The following PAPPA variants were observed in gnomAD, a reference collection of about 807,000 sequenced individuals.
The protein encoded by PAPPA is pappalysin-1.
In PAPPA, 60 loss-of-function variants were observed where a neutral mutation model predicts 164.0. The ratio of observed to expected loss-of-function variants is 0.37; its 90% CI spans 0.30 to 0.45. The LOEUF (loss-of-function observed/expected upper bound fraction) is 0.45. PAPPA is among the 20% of genes least tolerant of loss of function. The pLI is 1.00. For missense variants in PAPPA, 1,782 were observed against 2,087.3 expected, an observed-to-expected ratio of 0.85 and a Z score of 2.85; for synonymous variants, 875 against 814.1, an observed-to-expected ratio of 1.07 and a Z score of -1.27.
chr9:116,305,339 A>G (rs973940539), intron 10 of PAPPA, among the ~76,000 whole-genome samples: 2 of 152,148 alleles, frequency 1.3e-5, no homozygotes, highest in African/African-American at 4.8e-5. Flanking sequence ...CTTCCAGTGA[A>G]GATGTTGATA....
intron 9 of PAPPA, 98 bp from the exon 10 acceptor site, chr9:116,302,659 A>T (rs989904945): frequency 1.1e-6 from 1 of 912,462 alleles, no homozygotes; most frequent in South Asian, 1.6e-5. Flanking sequence ...GACAGTACCA[A>T]TGGTTTTGGT....
intron 3 of PAPPA, 34 bp from the exon 4 acceptor site, chr9:116,211,605 T>C (rs1844307862): frequency 1.9e-6 from 3 of 1,597,288 alleles, no homozygotes; most frequent in Non-Finnish European, 2.6e-6. Context: ...GCAGAGTACC[T>C]AGTTTGCCTG....
chr9:116,220,310 T>C (rs901281407), intron 5 of PAPPA, among the ~76,000 whole-genome samples, 181 bp downstream of exon 5: 8 of 152,102 alleles, frequency 5.3e-5, no homozygotes, highest in African/African-American at 1.9e-4. Context: ...TGGTCATTAA[T>C]AGAAACAAAT....
intron 8 of PAPPA, among the ~76,000 whole-genome samples, chr9:116,266,689 G>A (rs1300303991): frequency 6.6e-6 from 1 of 152,024 alleles, no homozygotes; most frequent in African/African-American, 2.4e-5. Flanking sequence ...CAGGGGTGAG[G>A]AGCCACCAAG....
At chr9:116,305,083 C>G (rs1845627422) in intron 10 of PAPPA, among the ~76,000 whole-genome samples, 1 of 145,190 alleles carries the variant, frequency 6.9e-6, no homozygotes, top group African/African-American at 2.6e-5. Flanking sequence ...ACCCTACCAC[C>G]ACCACACACA....
At chr9:116,294,285 T>C (rs887718728) in intron 9 of PAPPA, among the ~76,000 whole-genome samples, 2 of 152,128 alleles carry the variant, frequency 1.3e-5, no homozygotes, top group African/African-American at 4.8e-5. Flanking sequence ...TGGCCAACCT[T>C]TGAAGGAACT....
At chr9:116,251,236 A>C (rs1314323121) in intron 7 of PAPPA, among the ~76,000 whole-genome samples, 1 of 152,164 alleles carries the variant, frequency 6.6e-6, no homozygotes, top group African/African-American at 2.4e-5. Flanking sequence ...TCAGAAACAT[A>C]AGGATTACAT....
rs1425326062 is a variant in PAPPA, at chr9:116,154,356, C to T, written c.184C>T (p.Pro62Ser). ...ARGRRASPPP[P>S]PPPGGAWEAV... is the part of the protein sequence containing the mutation. Reference sequence around the variant, plus strand: ...CGGCCGCCGCGCCTCGCCGCCGCCGCCGCCGCCGCCGGGCGGTGCCTGGGA... The same window carrying T: ...CGGCCGCCGCGCCTCGCCGCCGCCGTCGCCGCCGCCGGGCGGTGCCTGGGA... Residue 62 changes from proline (P) to serine (S), a missense_variant, in exon 1 of 22, where the codon CCG (proline) becomes TCG (serine). Physicochemically the swap from Pro to Ser is moderately conservative, Grantham distance 74 (BLOSUM62 -1). Transcript: ENST00000328252. The surrounding 1 kb of genome is among the most constrained non-coding windows in gnomAD (Gnocchi z 5.2). 2.8e-5 allele frequency: 24 copies of T among 863,782 alleles called. No homozygotes were observed. Among genetic ancestry groups the T allele is most frequent in the Non-Finnish European group, 3.4e-5 (24 of 710,728 alleles). 53.5% of individuals were successfully genotyped at this position (863,782 alleles called of 1,614,324 possible). A position where few individuals can be genotyped will look rare whatever the true frequency, so the allele number is the denominator to read the frequency against.
chr9:116,197,723 C>T (rs1396742354), intron 2 of PAPPA, among the ~76,000 whole-genome samples: 1 of 152,184 alleles, frequency 6.6e-6, no homozygotes, highest in Admixed American at 6.5e-5. Context: ...CAAGGTCATC[C>T]AGAGGGACCT....
At chr9:116,285,953 A>G (rs1845333525) in intron 9 of PAPPA, 1 of 152,196 alleles carries the variant, frequency 6.6e-6, no homozygotes. Flanking sequence ...CGGGCAGGTT[A>G]TCTTGGGTCA....
In PAPPA at chr9:116,387,750, G is replaced by C. The variant is rs560990602; in HGVS notation, c.4776+5257G>C. ...TAGAAGGGTTAAATTCACACAGTTA[G>C]CAAGTGGTAAAGCTAAGATGCAAAC... On this transcript the variant is annotated intron_variant, in intron 21 of 21. Transcript: ENST00000328252. Among the ~76,000 whole-genome samples the C allele has an allele frequency of 3.3e-5, 5 of 152,288 alleles. No individual in the cohort carries two copies. In the East Asian group the frequency reaches 9.7e-4, roughly 29 times the overall value.
intron 1 of PAPPA, among the ~76,000 whole-genome samples, chr9:116,166,733 C>T (rs1564171901): frequency 6.6e-6 from 1 of 152,128 alleles, no homozygotes; most frequent in African/African-American, 2.4e-5. Context: ...TGCATGACTC[C>T]CTGAAGTACC....
chr9:116,400,029 AAAAGAAAG>A lies in PAPPA; in HGVS notation c.*3427_*3434del, dbSNP rs150452744. 6.6e-6 allele frequency: 1 copy of A among 152,484 alleles called. No individual in the cohort carries two copies. The highest frequency in any genetic ancestry group is 1.5e-5 in the Non-Finnish European group (1 of 67,984). The allele number at this position is 152,484 out of a possible 1,614,324, so 9.4% of individuals were successfully genotyped here. On this transcript the variant is annotated 3_prime_UTR_variant, in exon 22 of 22. Coordinates refer to ENST00000328252, the MANE Select transcript of PAPPA (RefSeq NM_002581.5). ...AGGTCTTACCTGTGTGAAAGAAAGA[AAAAGAAAG>A]AAAGAAAGAAAGAGAAAGGAAATTA... is the stretch of plus-strand genomic sequence containing the variant.
chr9:116,381,788 C>T (rs1846734905), intron 20 of PAPPA, among the ~76,000 whole-genome samples: 1 of 152,174 alleles, frequency 6.6e-6, no homozygotes, highest in African/African-American at 2.4e-5. Context: ...ATACCTACCT[C>T]ACTTATTGTT....
At chr9:116,235,089 G>A (rs1740768110) in intron 6 of PAPPA, 50 bp from the exon 7 acceptor site, 1 of 1,609,352 alleles carries the variant, frequency 6.2e-7, no homozygotes, top group Non-Finnish European at 8.5e-7. Context: ...TCTAAGGATG[G>A]GAATAAAGCT....
intron 1 of PAPPA, among the ~76,000 whole-genome samples, chr9:116,157,492 A>G (rs971750987): frequency 6.6e-6 from 1 of 152,168 alleles, no homozygotes; most frequent in African/African-American, 2.4e-5. Context: ...CCACCAGTGG[A>G]TGGTCTTTAG....
intron 18 of PAPPA, among the ~76,000 whole-genome samples, chr9:116,363,372 G>T (rs1050549656): frequency 1.3e-5 from 2 of 152,300 alleles, no homozygotes. Context: ...CATCTCAGCT[G>T]CATCCAAGAT....
At chr9:116,263,349 G>A (rs996555991) in intron 7 of PAPPA, among the ~76,000 whole-genome samples, 12 of 152,150 alleles carry the variant, frequency 7.9e-5, no homozygotes, top group African/African-American at 2.9e-4. Flanking sequence ...CAAGCTGCCA[G>A]GCACTGGGGG....
chr9:116,169,119 C>T (rs1843746292), intron 1 of PAPPA, among the ~76,000 whole-genome samples: 1 of 152,054 alleles, frequency 6.6e-6, no homozygotes, highest in Non-Finnish European at 1.5e-5. Flanking sequence ...AAGGCAGACA[C>T]ATTGTGAGTG....
Sources: gnomAD v4.1 joint callset for allele counts (sites outside exome capture counted in the v4.1 genomes callset) on GRCh38, gnomAD v4.1.1 for gene constraint, Gnocchi (gnomAD v3.1) non-coding constraint, MANE v1.5 for transcripts, NCBI Gene and HGNC (gene_info 2026-07-23, HGNC 2026-07-21) for gene names.